The following ETFDH variants were observed in gnomAD, a reference collection of about 807,000 sequenced individuals.
ETFDH encodes electron transfer flavoprotein dehydrogenase.
Under a neutral mutation model 73.2 loss-of-function variants are expected in ETFDH, and 61 were observed. The ratio of observed to expected loss-of-function variants is 0.83; its 90% confidence interval spans 0.68 to 1.03. The LOEUF (loss-of-function observed/expected upper bound fraction) is 1.03. Among genes scored for constraint, ETFDH ranks in the 50% least tolerant of loss-of-function variants. The pLI, the probability that ETFDH is intolerant of heterozygous loss-of-function variation, is 0.00. For missense variants in ETFDH, 685 were observed against 745.0 expected (o/e 0.92, Z 0.94); for synonymous variants, 243 against 253.3 (o/e 0.96, Z 0.39).
At chr4:158,696,658 TCTGA>T (rs1364174273) in intron 7 of ETFDH, among the ~76,000 whole-genome samples, 2 of 152,214 alleles carry the variant, frequency 1.3e-5, no homozygotes, top group African/African-American at 4.8e-5. Flanking sequence ...CATAATATTA[TCTGA>T]CTTAGATAAA....
chr4:158,707,511 A>G (rs756793430), intron 12 of ETFDH, among the ~76,000 whole-genome samples: 1 of 152,228 alleles, frequency 6.6e-6, no homozygotes. Flanking sequence ...CCAGAAACAA[A>G]TAATTCTTGA....
chr4:158,695,345 T>C (rs1435644196), intron 6 of ETFDH, 152 bp from the exon 7 acceptor site: 2 of 548,684 alleles, frequency 3.6e-6, no homozygotes, highest in African/African-American at 1.9e-5. Context: ...TATGATTCTA[T>C]ATATTATATA....
rs1774713656 is a variant in ETFDH, at chr4:158,708,737, C to T, written c.*210C>T. ...AACCTTTATAAGAATGCAGCATCTT[C>T]CTACCTCTTCAGTTCTTCAGAGATT... On this transcript the variant is annotated 3_prime_UTR_variant, in exon 13 of 13. Transcript: ENST00000511912. 2 of 514,286 alleles carry T rather than the reference C, an allele frequency of 3.9e-6. No individual in the cohort carries two copies. The highest frequency in any genetic ancestry group is 6.9e-6 in the Non-Finnish European group (2 of 288,736). The allele number at this position is 514,286 out of a possible 1,614,324, so 31.9% of individuals were successfully genotyped here. A position where few individuals can be genotyped will look rare whatever the true frequency, so the allele number is the denominator to read the frequency against.
chr4:158,683,725 G>T (rs1024801610), intron 3 of ETFDH, among the ~76,000 whole-genome samples: 7 of 151,846 alleles, frequency 4.6e-5, no homozygotes, highest in Non-Finnish European at 1.0e-4. Flanking sequence ...GATTACAGGC[G>T]TGCACCACCA....
intron 8 of ETFDH, 102 bp downstream of exon 8, chr4:158,697,801 T>A: frequency 9.2e-7 from 1 of 1,085,406 alleles, no homozygotes; most frequent in South Asian, 1.3e-5. Flanking sequence ...AAATGCTTTT[T>A]ATTTAAAGCT....
chr4:158,675,556 C>T (rs946654010), intron 1 of ETFDH, among the ~76,000 whole-genome samples: 1 of 152,016 alleles, frequency 6.6e-6, no homozygotes, highest in Non-Finnish European at 1.5e-5. Flanking sequence ...TGCTCGAGCC[C>T]AGGATTTCGA....
At chr4:158,705,157 T>G (rs1774573960) in intron 10 of ETFDH, among the ~76,000 whole-genome samples, 1 of 152,182 alleles carries the variant, frequency 6.6e-6, no homozygotes, top group Non-Finnish European at 1.5e-5. Context: ...ATTTGTCCTC[T>G]TTATTAAGTG....
chr4:158,696,631 G>A lies in ETFDH; in HGVS notation c.832-928G>A, dbSNP rs185659106. 1.1e-3 allele frequency among the ~76,000 whole-genome samples: 173 copies of A among 152,254 alleles called. 2 individuals carry two copies. Among genetic ancestry groups the A allele is most frequent in the Non-Finnish European group, 1.7e-3 (113 of 68,014 alleles). On this transcript the variant is annotated intron_variant, in intron 7 of 12. Coordinates refer to ENST00000511912, the MANE Select transcript of ETFDH (RefSeq NM_004453.4). ...GAATAAGGGTTTGTTTTGATAGATT[G>A]CATATGTCTGATTGCACATAATATT...
At chr4:158,705,624 A>G (rs1038920184) in intron 10 of ETFDH, among the ~76,000 whole-genome samples, 3 of 152,224 alleles carry the variant, frequency 2.0e-5, no homozygotes, top group Non-Finnish European at 4.4e-5. Context: ...TCTCGGTTTC[A>G]CTAAAATTTG....
rs1247783260 is a variant in ETFDH at position 158,682,430 on chromosome 4, A to G, written c.405+6A>G. 6.2e-7 allele frequency: 1 copy of G among 1,610,486 alleles called. No individual in the cohort carries two copies. ...CAGACTGGAAAGAGAAGGGGGTATG[A>G]AAAATTGTTTTTTATACAAAGTCTA... On this transcript the variant is annotated splice_donor_region_variant and intron_variant, in intron 3 of 12. Coordinates refer to ENST00000511912, the MANE Select transcript of ETFDH (RefSeq NM_004453.4).
rs1252902469 is a variant in ETFDH at position 158,695,546 on chromosome 4, C to T, written c.734C>T (p.Ala245Val). ...LELHAKVTIF[A>V]EGCHGHLAKQ... ...CTACATGCTAAAGTCACAATTTTTG[C>T]AGAAGGTTGCCATGGACATCTAGCC... The change falls in exon 7 of 13, where the codon GCA becomes GTA. Residue 245 changes from alanine to valine, a missense_variant. Coordinates refer to ENST00000511912, the MANE Select transcript of ETFDH (RefSeq NM_004453.4). 2 of 1,612,818 alleles carry T rather than the reference C, an allele frequency of 1.2e-6. No homozygotes were observed. The highest frequency in any genetic ancestry group is 1.7e-6 in the Non-Finnish European group (2 of 1,179,080).
intron 1 of ETFDH, among the ~76,000 whole-genome samples, chr4:158,677,807 TG>T (rs1773747089): frequency 6.6e-6 from 1 of 152,218 alleles, no homozygotes; most frequent in South Asian, 2.1e-4. Flanking sequence ...CTTACCATCA[TG>T]GCATGAACTA....
chr4:158,682,490 A>C, intron 3 of ETFDH, 66 bp downstream of exon 3: 1 of 1,249,446 alleles, frequency 8.0e-7, no homozygotes, highest in Non-Finnish European at 1.2e-6. Flanking sequence ...ATTGTTCCCA[A>C]ATTACTGGAA....
At chr4:158,689,614 A>G (rs1405686461) in intron 5 of ETFDH, among the ~76,000 whole-genome samples, 10 of 98,656 alleles carry the variant, frequency 1.0e-4, no homozygotes, top group African/African-American at 3.4e-4. Context: ...ATATATATAT[A>G]TATATATATA....
intron 5 of ETFDH, among the ~76,000 whole-genome samples, chr4:158,689,998 A>C (rs77472644): frequency 2.6e-5 from 4 of 152,094 alleles, no homozygotes; most frequent in African/African-American, 9.6e-5. Context: ...CATGTTCTTC[A>C]TGTGTTACAG....
intron 2 of ETFDH, among the ~76,000 whole-genome samples, chr4:158,681,286 AG>A (rs1380191080): frequency 6.6e-6 from 1 of 152,214 alleles, no homozygotes; most frequent in African/African-American, 2.4e-5. Flanking sequence ...AAAAGGTAAA[AG>A]GAAAAAAAAT....
chr4:158,682,842 C>T (rs1227696224), intron 3 of ETFDH, among the ~76,000 whole-genome samples: 1 of 151,858 alleles, frequency 6.6e-6, no homozygotes, highest in East Asian at 1.9e-4. Context: ...GCCCATGTAA[C>T]TCTAAGGGAA....
At position 158,672,444 on chromosome 4, in the gene ETFDH, G is replaced by C; in HGVS notation, c.-13G>C. ...CCTGTTGTGTCCGACCGAGAGTCCT[G>C]GTGACTTTGAACATGCTGGTGCCGC... On this transcript the variant is annotated 5_prime_UTR_variant, in exon 1 of 13. Transcript: ENST00000511912. 6.2e-7 allele frequency: 1 copy of C among 1,614,092 alleles called. No individual in the cohort carries two copies. Among genetic ancestry groups the C allele is most frequent in the Non-Finnish European group, 8.5e-7 (1 of 1,179,966 alleles).
intron 9 of ETFDH, among the ~76,000 whole-genome samples, chr4:158,702,460 C>A (rs1774489749): frequency 6.6e-6 from 1 of 152,094 alleles, no homozygotes; most frequent in African/African-American, 2.4e-5. Context: ...ATCCCGCCCC[C>A]ACGCCCCGCA....
Sources: allele counts gnomAD v4.1 joint callset (sites outside exome capture counted in the v4.1 genomes callset), GRCh38; gene constraint gnomAD v4.1.1; transcripts MANE v1.5; gene names NCBI Gene and HGNC (gene_info 2026-07-23, HGNC 2026-07-21).